Variants in LPP observed in about 807,000 individuals in gnomAD.
The protein encoded by LPP is LIM domain containing preferred translocation partner in lipoma, also known as lipoma-preferred partner.
Under a neutral mutation model 60.4 loss-of-function variants are expected in LPP, and 38 were observed. The observed-to-expected ratio is 0.63, with a 90% CI of 0.49 to 0.83. The LOEUF (loss-of-function observed/expected upper bound fraction) is 0.83, where lower values mean the gene tolerates loss of function less well. LPP is among the 40% of genes least tolerant of loss of function. LPP has a pLI of 0.00. For missense variants in LPP, 902 were observed against 783.6 expected (o/e 1.15, Z -1.80); for synonymous variants, 328 against 290.8 (o/e 1.13, Z -1.30).
chr3:188,173,848 C>T (rs1006182625), intron 1 of LPP, among the ~76,000 whole-genome samples: 1 of 152,190 alleles, frequency 6.6e-6, no homozygotes, highest in African/African-American at 2.4e-5. Flanking sequence ...ATACCTTGAT[C>T]CTGTCCTTGT....
rs1389857349 is a variant in LPP, at chr3:188,406,272, C to T, written c.152C>T (p.Pro51Leu). The T allele has an allele frequency of 6.2e-7, 1 of 1,614,102 alleles. No individual in the cohort carries two copies. The highest frequency in any genetic ancestry group is 1.7e-5 in the Admixed American group (1 of 60,008). ...AAAAAGTTTGCCCCGGTAGTTGCTC[C>T]AAAACCTAAGTACAACCCATACAAA... ...PPKKFAPVVA[P>L]KPKYNPYKQP... is the part of the protein sequence containing the mutation. Residue 51 changes from proline (P) to leucine (L), a missense_variant, in exon 4 of 12, where the codon CCA becomes CTA. Coordinates refer to ENST00000617246, the MANE Select transcript of LPP (RefSeq NM_001375462.1).
chr3:188,487,933 C>T (rs749192178), intron 5 of LPP, among the ~76,000 whole-genome samples: 6 of 151,938 alleles, frequency 3.9e-5, no homozygotes, highest in Non-Finnish European at 4.4e-5. Context: ...ATTTTGAGAG[C>T]AGAAAGGGAC....
chr3:188,672,397 C>A (rs1263807862), intron 7 of LPP, among the ~76,000 whole-genome samples: 1 of 151,890 alleles, frequency 6.6e-6, no homozygotes, highest in Non-Finnish European at 1.5e-5. Flanking sequence ...ATCTTGTTGG[C>A]TCATGTTTTG....
intron 6 of LPP, among the ~76,000 whole-genome samples, chr3:188,556,433 T>A (rs1829478994): frequency 6.6e-6 from 1 of 152,148 alleles, no homozygotes; most frequent in South Asian, 2.1e-4. Flanking sequence ...TATACCATAG[T>A]GTCTGTCATA....
chr3:188,699,210 C>T (rs1863882305), intron 7 of LPP, among the ~76,000 whole-genome samples: 1 of 152,220 alleles, frequency 6.6e-6, no homozygotes, highest in East Asian at 1.9e-4. Flanking sequence ...GAGCCAGATG[C>T]TCCAAGCCCA....
intron 9 of LPP, among the ~76,000 whole-genome samples, chr3:188,792,614 G>T (rs564615366): frequency 6.6e-6 from 1 of 151,686 alleles, no homozygotes; most frequent in African/African-American, 2.4e-5. Context: ...TTGTTTTTTT[G>T]GTTTTTTTTC....
chr3:188,653,055 G>C (rs1393174570), intron 7 of LPP, among the ~76,000 whole-genome samples: 1 of 152,178 alleles, frequency 6.6e-6, no homozygotes. Flanking sequence ...GCCAATTCTT[G>C]CCTCAAGAAG....
chr3:188,460,054 T>G (rs559093933), intron 4 of LPP, among the ~76,000 whole-genome samples: 2 of 152,244 alleles, frequency 1.3e-5, no homozygotes, highest in South Asian at 4.1e-4. Flanking sequence ...TAGTCAATTA[T>G]GTAAAAATTT....
chr3:188,367,242 A>AT (rs1771481154), intron 3 of LPP, among the ~76,000 whole-genome samples: 1 of 152,014 alleles, frequency 6.6e-6, no homozygotes, highest in Admixed American at 6.6e-5. Context: ...GAAAAAAAAA[A>AT]GAGAAGAGAG....
At chr3:188,701,431 A>T (rs952730938) in intron 7 of LPP, among the ~76,000 whole-genome samples, 1 of 152,248 alleles carries the variant, frequency 6.6e-6, no homozygotes, top group Non-Finnish European at 1.5e-5. Context: ...ACATAGAAAG[A>T]ATATAAAGCA....
At chr3:188,711,832 A>G (rs891493617) in intron 8 of LPP, 1 of 152,202 alleles carries the variant, frequency 6.6e-6, no homozygotes, top group African/African-American at 2.4e-5. Context: ...GAAAAAGGAA[A>G]GAGAAAATCA....
chr3:188,836,499 C>T (rs572601918), intron 9 of LPP, among the ~76,000 whole-genome samples: 1 of 152,314 alleles, frequency 6.6e-6, no homozygotes, highest in Admixed American at 6.5e-5. Flanking sequence ...ACAAGAGTGG[C>T]ATCCGTGGTC....
chr3:188,300,317 A>G (rs918591881), intron 2 of LPP, among the ~76,000 whole-genome samples: 32 of 152,172 alleles, frequency 2.1e-4, no homozygotes, highest in Non-Finnish European at 3.7e-4. Flanking sequence ...ATCATTGCAT[A>G]ATATTGCATT....
At chr3:188,357,785 C>T (rs1462713340) in intron 3 of LPP, among the ~76,000 whole-genome samples, 5 of 152,116 alleles carry the variant, frequency 3.3e-5, no homozygotes, top group Admixed American at 6.5e-5. Context: ...GAGGGTATGA[C>T]ATGAGAATAA....
chr3:188,262,834 A>G (rs1377332355), intron 2 of LPP, among the ~76,000 whole-genome samples: 3 of 146,948 alleles, frequency 2.0e-5, no homozygotes, highest in Non-Finnish European at 3.0e-5. Context: ...AATCATGTTA[A>G]AAAAAAAAAA....
At chr3:188,178,350 G>T (rs1471081271) in intron 1 of LPP, among the ~76,000 whole-genome samples, 7 of 152,174 alleles carry the variant, frequency 4.6e-5, no homozygotes, top group Non-Finnish European at 8.8e-5. Context: ...CCCAGGTAGG[G>T]TGATTGTCCA....
At chr3:188,605,603 T>C (rs956157042) in intron 6 of LPP, among the ~76,000 whole-genome samples, 1 of 152,112 alleles carries the variant, frequency 6.6e-6, no homozygotes, top group African/African-American at 2.4e-5. Context: ...ATAGAAGGTA[T>C]ATCAAGTTGT....
At chr3:188,338,628 C>T (rs1016470945) in intron 2 of LPP, among the ~76,000 whole-genome samples, 1 of 152,130 alleles carries the variant, frequency 6.6e-6, no homozygotes, top group African/African-American at 2.4e-5. Flanking sequence ...ATCCCCATTT[C>T]ATTATTCTTT....
chr3:188,288,642 AC>A (rs1255647843), intron 2 of LPP, among the ~76,000 whole-genome samples: 2 of 152,080 alleles, frequency 1.3e-5, no homozygotes, highest in Non-Finnish European at 2.9e-5. Flanking sequence ...ATACGTGCAC[AC>A]CTATGCACAC....
Sources: gnomAD v4.1 joint callset for allele counts (sites outside exome capture counted in the v4.1 genomes callset) on GRCh38, gnomAD v4.1.1 for gene constraint, MANE v1.5 for transcripts, NCBI Gene and HGNC (gene_info 2026-07-23, HGNC 2026-07-21) for gene names.